DOCK9: variants seen among roughly 807,000 people sequenced by gnomAD.
DOCK9 encodes the protein dedicator of cytokinesis 9, also known as dedicator of cytokinesis protein 9.
In DOCK9, 89 loss-of-function variants were observed where a neutral mutation model predicts 263.3. The ratio of observed to expected loss-of-function variants is 0.34; its 90% confidence interval spans 0.28 to 0.40. The LOEUF (loss-of-function observed/expected upper bound fraction) is 0.40. DOCK9 is among the 10% of genes least tolerant of loss of function. The pLI is 1.00. For missense variants in DOCK9, 2,140 were observed against 2,603.4 expected (o/e 0.82, Z 3.87); for synonymous variants, 976 against 973.1 (o/e 1.00, Z -0.06).
In DOCK9 at chr13:98,992,125, A is replaced by G. The variant is rs1879951714; in HGVS notation, c.130-36574T>C. Among the ~76,000 whole-genome samples, 6 of 133,030 alleles carry G rather than the reference A, an allele frequency of 4.5e-5. No individual in the cohort carries two copies. In the South Asian group the frequency reaches 1.2e-3, roughly 27 times the overall value. 87.3% of individuals were successfully genotyped at this position (133,030 alleles called of 152,430 possible). ...CCTACCCTGCCTAACCAATACAGTG[A>G]AAAAAAAAAAAATGCCCCAACAGGA... is the stretch of plus-strand genomic sequence containing the variant. On this transcript the variant is annotated intron_variant, in intron 1 of 32. Coordinates refer to the DOCK9 transcript ENST00000427887.
chr13:98,974,447 C>A (rs145214317), intron 1 of DOCK9, among the ~76,000 whole-genome samples: 3 of 152,030 alleles, frequency 2.0e-5, no homozygotes, highest in Non-Finnish European at 2.9e-5. Flanking sequence ...AACACATATT[C>A]TCTTGGAAAC....
At chr13:98,821,043 AC>A (rs2092241478) in intron 45 of DOCK9, among the ~76,000 whole-genome samples, 1 of 152,228 alleles carries the variant, frequency 6.6e-6, no homozygotes, top group Admixed American at 6.5e-5. Flanking sequence ...CCACAAAAGT[AC>A]CAAGGAGTAT....
At chr13:99,004,842 A>G (rs1480255222) in intron 1 of DOCK9, among the ~76,000 whole-genome samples, 1 of 151,972 alleles carries the variant, frequency 6.6e-6, no homozygotes, top group African/African-American at 2.4e-5. Flanking sequence ...CTTCACACAC[A>G]CATATTCATA....
chr13:98,836,000 T>C (rs568654311), intron 39 of DOCK9, among the ~76,000 whole-genome samples: 18 of 152,224 alleles, frequency 1.2e-4, no homozygotes, highest in African/African-American at 4.3e-4. Flanking sequence ...CCTCCCAAAG[T>C]GCTGGGATTA....
intron 1 of DOCK9, among the ~76,000 whole-genome samples, chr13:98,995,173 G>A (rs16956210): frequency 0.028 from 4,201 of 152,254 alleles, 178 homozygotes; most frequent in African/African-American, 0.096. Flanking sequence ...CCGTTCCCGA[G>A]GAAATCTTTG....
intron 1 of DOCK9, among the ~76,000 whole-genome samples, chr13:99,029,680 T>C (rs529433627): frequency 6.6e-6 from 1 of 152,296 alleles, no homozygotes; most frequent in Admixed American, 6.5e-5. Context: ...ACTGACATAG[T>C]GAGTGTTGGC....
intron 2 of DOCK9, among the ~76,000 whole-genome samples, chr13:98,936,184 C>T (rs2054792554): frequency 1.3e-5 from 2 of 152,036 alleles, no homozygotes; most frequent in African/African-American, 2.4e-5. Flanking sequence ...CCATGGTGAC[C>T]TTATAAACCA....
At chr13:99,082,423 G>A (rs193083905) in intron 1 of DOCK9, among the ~76,000 whole-genome samples, 205 of 151,032 alleles carry the variant, frequency 1.4e-3, no homozygotes, top group South Asian at 8.4e-3. Context: ...GGAGGCTGAG[G>A]CAGGAGAACC....
chr13:99,056,695 G>C (rs7321315), intron 1 of DOCK9, among the ~76,000 whole-genome samples: 33,334 of 152,030 alleles, frequency 0.22, 3,649 homozygotes, highest in Middle Eastern at 0.3. Flanking sequence ...GTGGCTGCCC[G>C]GCACCTCCCT....
Position 98,880,504 on chromosome 13 carries a change from T to C in DOCK9, c.2871+43A>G, listed in dbSNP as rs201215236. On this transcript the variant is annotated intron_variant, in intron 26 of 52. Transcript: ENST00000682017. ...GATCAGGCTGTGGAGTGAATTCCTGTTAATCAGTTTCAATCAGAGCCACAC... is the reference window on the plus strand; with the variant it reads ...GATCAGGCTGTGGAGTGAATTCCTGCTAATCAGTTTCAATCAGAGCCACAC... 9.3e-6 allele frequency: 15 copies of C among 1,612,446 alleles called. No homozygotes were observed. The East Asian group carries it at 3.3e-4, about 36-fold the overall frequency.
At chr13:98,861,818 A>G (rs2093879487) in intron 32 of DOCK9, among the ~76,000 whole-genome samples, 1 of 152,216 alleles carries the variant, frequency 6.6e-6, no homozygotes, top group Non-Finnish European at 1.5e-5. Flanking sequence ...AAAAAACAGC[A>G]CAAAGATAAT....
At chr13:98,927,017 G>A (rs1395369153) in intron 3 of DOCK9, among the ~76,000 whole-genome samples, 1 of 152,214 alleles carries the variant, frequency 6.6e-6, no homozygotes, top group East Asian at 1.9e-4. Context: ...AATTACAACA[G>A]CAGCAAGTGC....
intron 50 of DOCK9, among the ~76,000 whole-genome samples, chr13:98,797,798 A>C (rs2089612763): frequency 6.6e-6 from 1 of 152,244 alleles, no homozygotes. Flanking sequence ...CAGAGATCAC[A>C]GCCCAGGTCT....
intron 1 of DOCK9, among the ~76,000 whole-genome samples, chr13:99,030,285 T>C (rs1887192614): frequency 6.6e-6 from 1 of 152,152 alleles, no homozygotes; most frequent in Admixed American, 6.5e-5. Flanking sequence ...TTCAAGAAAA[T>C]CTAGTGTCAC....
chr13:98,861,379 T>C (rs1441433245), intron 32 of DOCK9, among the ~76,000 whole-genome samples: 2 of 152,092 alleles, frequency 1.3e-5, no homozygotes. Flanking sequence ...TGTACACCCA[T>C]AATGACAAGG....
At chr13:98,976,900 A>G (rs2060329304) in intron 1 of DOCK9, among the ~76,000 whole-genome samples, 1 of 151,540 alleles carries the variant, frequency 6.6e-6, no homozygotes, top group African/African-American at 2.4e-5. Context: ...TAGTAAGCAA[A>G]CACTTCATGG....
At chr13:99,078,788 A>G (rs2042012057) in intron 1 of DOCK9, among the ~76,000 whole-genome samples, 1 of 152,216 alleles carries the variant, frequency 6.6e-6, no homozygotes, top group Non-Finnish European at 1.5e-5. Flanking sequence ...GAGGGCTCCA[A>G]TTATCACAGC....
chr13:98,897,452 A>G (rs562406156), intron 15 of DOCK9, 36 bp downstream of exon 15: 30 of 1,610,950 alleles, frequency 1.9e-5, no homozygotes, highest in African/African-American at 1.6e-4. Flanking sequence ...CACAGCTTCT[A>G]TTTTTCAGGT....
At chr13:98,903,967 G>C (rs1041768810) in intron 10 of DOCK9, among the ~76,000 whole-genome samples, 22 of 152,174 alleles carry the variant, frequency 1.4e-4, no homozygotes, top group African/African-American at 5.3e-4. Context: ...CTAGGGGATG[G>C]GGGAAGAAGG....
Sources: gnomAD v4.1 joint callset for allele counts (sites outside exome capture counted in the v4.1 genomes callset) on GRCh38, gnomAD v4.1.1 for gene constraint, MANE v1.5 for transcripts, NCBI Gene and HGNC (gene_info 2026-07-23, HGNC 2026-07-21) for gene names.